GTF2A1L: variants seen among roughly 807,000 people sequenced by gnomAD.
The protein encoded by GTF2A1L is TFIIA-alpha and beta-like factor.
A neutral mutation model predicts 49.7 loss-of-function variants in GTF2A1L; 48 were observed. The ratio of observed to expected loss-of-function variants is 0.97; its 90% CI spans 0.77 to 1.23. GTF2A1L has a LOEUF of 1.23. Among genes scored for constraint, GTF2A1L ranks in the 50% most tolerant of loss-of-function variants. GTF2A1L has a pLI of 0.00. For missense variants in GTF2A1L, 736 were observed against 564.8 expected (o/e 1.30, Z -3.07); for synonymous variants, 246 against 193.5 (o/e 1.27, Z -2.25).
chr2:48,626,509 A>G (rs1372738804), intron 3 of GTF2A1L, among the ~76,000 whole-genome samples: 1 of 144,580 alleles, frequency 6.9e-6, no homozygotes, highest in African/African-American at 2.5e-5. Context: ...GTCCATGAAC[A>G]TGGGTATTTT....
At chr2:48,642,670 C>G (rs1677265344) in intron 4 of GTF2A1L, among the ~76,000 whole-genome samples, 1 of 152,100 alleles carries the variant, frequency 6.6e-6, no homozygotes, top group South Asian at 2.1e-4. Flanking sequence ...GCCTGGCCAA[C>G]ATGGCAAAAC....
At chr2:48,635,194 T>C (rs557074102) in intron 3 of GTF2A1L, among the ~76,000 whole-genome samples, 54 of 151,784 alleles carry the variant, frequency 3.6e-4, no homozygotes, top group African/African-American at 1.3e-3. Context: ...GCAGGTGCTA[T>C]GAATACCTGG....
intron 3 of GTF2A1L, among the ~76,000 whole-genome samples, chr2:48,639,891 T>C (rs1315204687): frequency 6.6e-6 from 1 of 152,102 alleles, no homozygotes; most frequent in African/African-American, 2.4e-5. Flanking sequence ...ATAAAGGACA[T>C]GAACAGACAC....
chr2:48,652,821 A>G (rs1435530967), intron 6 of GTF2A1L, among the ~76,000 whole-genome samples: 1 of 150,974 alleles, frequency 6.6e-6, no homozygotes, highest in Non-Finnish European at 1.5e-5. Context: ...CAGCGTCTCA[A>G]GTAGCTGGGA....
rs1202096200 is a variant in GTF2A1L at position 48,624,940 on chromosome 2, A to G, written c.247+3650A>G. Among the ~76,000 whole-genome samples, 7 of 143,788 alleles carry G rather than the reference A, an allele frequency of 4.9e-5. 1 individual carries two copies. Among genetic ancestry groups the G allele is most frequent in the African/African-American group, 1.2e-4 (5 of 40,394 alleles). 94.3% of individuals were successfully genotyped at this position (143,788 alleles called of 152,430 possible). On this transcript the variant is annotated intron_variant, in intron 3 of 8. Transcript: ENST00000403751. ...TGTGTGTGTATACAGACATACCACA[A>G]TTTCTTTATCCATTTGTCCATTTGC...
At chr2:48,619,785 A>G (rs1675875707) in intron 1 of GTF2A1L, among the ~76,000 whole-genome samples, 1 of 151,966 alleles carries the variant, frequency 6.6e-6, no homozygotes, top group African/African-American at 2.4e-5. Flanking sequence ...TTTTTCACAT[A>G]CCCTCTTTTT....
chr2:48,643,258 T>G (rs1274424576), intron 4 of GTF2A1L, among the ~76,000 whole-genome samples: 1 of 152,214 alleles, frequency 6.6e-6, no homozygotes, highest in Non-Finnish European at 1.5e-5. Context: ...AAGATACATT[T>G]ACAAGTTAAC....
chr2:48,631,010 G>A (rs1213405405), intron 3 of GTF2A1L, among the ~76,000 whole-genome samples: 6 of 152,062 alleles, frequency 3.9e-5, no homozygotes, highest in African/African-American at 1.2e-4. Flanking sequence ...GAGCTGCTGG[G>A]TTCAGTTTGC....
At chr2:48,641,517 T>C (rs1677197350) in intron 3 of GTF2A1L, among the ~76,000 whole-genome samples, 1 of 152,152 alleles carries the variant, frequency 6.6e-6, no homozygotes, top group African/African-American at 2.4e-5. Context: ...TACATTAACA[T>C]ATAAACATGC....
At chr2:48,679,211 G>A in intron 8 of GTF2A1L, 124 bp from the exon 9 acceptor site, 1 of 1,239,826 alleles carries the variant, frequency 8.1e-7, no homozygotes, top group Non-Finnish European at 1.1e-6. Flanking sequence ...ACTATCTTGA[G>A]GAGATTTTAA....
chr2:48,673,769 A>C (rs1679301489), intron 8 of GTF2A1L, among the ~76,000 whole-genome samples: 1 of 152,144 alleles, frequency 6.6e-6, no homozygotes, highest in South Asian at 2.1e-4. Context: ...AATAAACTGG[A>C]GGAAACGTAG....
At chr2:48,622,656 A>G (rs1161758821) in intron 3 of GTF2A1L, among the ~76,000 whole-genome samples, 1 of 152,116 alleles carries the variant, frequency 6.6e-6, no homozygotes, top group East Asian at 1.9e-4. Context: ...CCCTGTCTCT[A>G]CTTAAAAACA....
At chr2:48,645,710 G>A (rs1455834452) in intron 5 of GTF2A1L, among the ~76,000 whole-genome samples, 4 of 152,110 alleles carry the variant, frequency 2.6e-5, no homozygotes, top group South Asian at 2.1e-4. Flanking sequence ...GTGCAGTGGC[G>A]CAATCTCTGC....
At chr2:48,650,048 A>T (rs1369897280) in intron 6 of GTF2A1L, among the ~76,000 whole-genome samples, 2 of 152,012 alleles carry the variant, frequency 1.3e-5, no homozygotes, top group African/African-American at 4.8e-5. Flanking sequence ...TTCTCCACCT[A>T]ATTTTTCCTT....
intron 1 of GTF2A1L, among the ~76,000 whole-genome samples, chr2:48,618,278 C>G (rs1675776575): frequency 6.6e-6 from 1 of 152,192 alleles, no homozygotes; most frequent in African/African-American, 2.4e-5. Context: ...GTATTATTTA[C>G]TGCTTGAAAT....
chr2:48,655,014 G>T lies in GTF2A1L; in HGVS notation c.978+7972G>T, dbSNP rs141728838. Reference sequence around the variant, plus strand: ...TATTTCCATATAAATATTAGGATGCGCTTGTCAATTTCTAAAAAGAAAAAT... The same window carrying T: ...TATTTCCATATAAATATTAGGATGCTCTTGTCAATTTCTAAAAAGAAAAAT... On this transcript the variant is annotated intron_variant, in intron 6 of 8. Coordinates refer to ENST00000403751, the MANE Select transcript of GTF2A1L (RefSeq NM_006872.5). Among the ~76,000 whole-genome samples the T allele has an allele frequency of 2.8e-3, 422 of 152,130 alleles. 6 individuals are homozygous for T. The highest frequency in any genetic ancestry group is 9.9e-3 in the African/African-American group (411 of 41,524).
chr2:48,653,129 G>C (rs1452817930), intron 6 of GTF2A1L, among the ~76,000 whole-genome samples: 1 of 150,294 alleles, frequency 6.7e-6, no homozygotes, highest in Non-Finnish European at 1.5e-5. Context: ...GCTGAGGCAG[G>C]AGGATGGCAT....
rs1678530703 is a variant in GTF2A1L, at chr2:48,662,010, T to A, written c.979-7712T>A. Among the ~76,000 whole-genome samples the A allele has an allele frequency of 3.9e-5, 6 of 152,328 alleles. No individual in the cohort carries two copies. In the South Asian group the frequency reaches 1.2e-3, roughly 32 times the overall value. Reference sequence around the variant, plus strand: ...ACCTTCCTTTGTGTTTAATTGATTTTTGGTTTCCCTTCTCATTTCCTTTGT... The same window carrying A: ...ACCTTCCTTTGTGTTTAATTGATTTATGGTTTCCCTTCTCATTTCCTTTGT... On this transcript the variant is annotated intron_variant, in intron 6 of 8. Transcript: ENST00000403751.
At chr2:48,627,966 A>T (rs1676379284) in intron 3 of GTF2A1L, among the ~76,000 whole-genome samples, 1 of 144,052 alleles carries the variant, frequency 6.9e-6, no homozygotes, top group Non-Finnish European at 1.6e-5. Context: ...TGAAAGTAAG[A>T]ATATGTGGTA....
Sources: gnomAD v4.1 joint callset for allele counts (sites outside exome capture counted in the v4.1 genomes callset) on GRCh38, gnomAD v4.1.1 for gene constraint, MANE v1.5 for transcripts, NCBI Gene and HGNC (gene_info 2026-07-23, HGNC 2026-07-21) for gene names.